The following ATP8A2 variants were observed in gnomAD, a reference collection of about 807,000 sequenced individuals.
ATP8A2 encodes the protein ATPase phospholipid transporting 8A2.
A neutral mutation model predicts 165.6 loss-of-function variants in ATP8A2; 100 were observed. The observed-to-expected ratio is 0.60, with a 90% CI of 0.51 to 0.71. The LOEUF (loss-of-function observed/expected upper bound fraction) is 0.71, where lower values mean the gene tolerates loss of function less well. Ranked by LOEUF, ATP8A2 falls within the 30% of genes least tolerant of loss-of-function variation. The probability of loss-of-function intolerance (pLI) is 0.00; values close to 1 mark genes in which losing one functional copy is unlikely to be tolerated. For missense variants in ATP8A2, 1,227 were observed against 1,479.5 expected (o/e 0.83, Z 2.80); for synonymous variants, 543 against 548.8 (o/e 0.99, Z 0.15).
intron 2 of ATP8A2, among the ~76,000 whole-genome samples, chr13:25,474,128 A>C (rs2035924692): frequency 6.6e-6 from 1 of 152,244 alleles, no homozygotes; most frequent in Admixed American, 6.5e-5. Context: ...TTAGCTAGCA[A>C]AAACTTCATT....
At chr13:25,731,049 G>A (rs7987284) in intron 25 of ATP8A2, among the ~76,000 whole-genome samples, 71,147 of 144,572 alleles carry the variant, frequency 0.49, 18,247 homozygotes, top group East Asian at 0.83. Flanking sequence ...ACTCCAGCCA[G>A]GTCGCAAAAA....
chr13:25,479,648 T>C (rs1053141664), intron 2 of ATP8A2, among the ~76,000 whole-genome samples: 1 of 151,974 alleles, frequency 6.6e-6, no homozygotes, highest in Non-Finnish European at 1.5e-5. Context: ...CCTTCCGCAG[T>C]GTTTGTGTCC....
At chr13:25,885,332 C>G (rs1351148478) in intron 33 of ATP8A2, among the ~76,000 whole-genome samples, 1 of 151,934 alleles carries the variant, frequency 6.6e-6, no homozygotes, top group African/African-American at 2.4e-5. Context: ...AGGCTGGTCT[C>G]GAACTCCTGA....
chr13:25,922,045 TTAGAA>T (rs140164941), intron 33 of ATP8A2, among the ~76,000 whole-genome samples: 2,400 of 152,318 alleles, frequency 0.016, 25 homozygotes, highest in Admixed American at 0.025. Context: ...TTTTGGGGTT[TTAGAA>T]TAGAGCAGGA....
intron 27 of ATP8A2, among the ~76,000 whole-genome samples, chr13:25,814,188 C>A (rs9507581): frequency 0.12 from 18,278 of 151,774 alleles, 1,427 homozygotes; most frequent in Non-Finnish European, 0.18. Context: ...TATTTAGAAT[C>A]CATTAGCCAC....
intron 35 of ATP8A2, among the ~76,000 whole-genome samples, chr13:26,006,881 A>C (rs1956750690): frequency 6.6e-6 from 1 of 151,802 alleles, no homozygotes; most frequent in African/African-American, 2.4e-5. Flanking sequence ...TGGTCATAGT[A>C]TATAATTTTT....
intron 27 of ATP8A2, among the ~76,000 whole-genome samples, chr13:25,788,845 AT>A (rs2045097039): frequency 1.3e-5 from 2 of 152,224 alleles, no homozygotes; most frequent in Admixed American, 6.5e-5. Flanking sequence ...CTGAGAAATC[AT>A]TCTCTGCACA....
chr13:25,617,598 TCTCA>T (rs1185885661), intron 24 of ATP8A2, among the ~76,000 whole-genome samples: 1 of 152,236 alleles, frequency 6.6e-6, no homozygotes, highest in Admixed American at 6.5e-5. Context: ...TAGATAGTTG[TCTCA>T]CTAACTCCAT....
At chr13:25,837,980 G>C (rs1951662174) in intron 29 of ATP8A2, among the ~76,000 whole-genome samples, 1 of 152,236 alleles carries the variant, frequency 6.6e-6, no homozygotes. Flanking sequence ...CAGAGTGCTT[G>C]GGTGACCCCA....
At chr13:25,644,948 A>C (rs1429897679) in intron 24 of ATP8A2, among the ~76,000 whole-genome samples, 1 of 152,074 alleles carries the variant, frequency 6.6e-6, no homozygotes, top group Non-Finnish European at 1.5e-5. Flanking sequence ...ATTTTGGGTT[A>C]TCTCTCTAGT....
intron 24 of ATP8A2, among the ~76,000 whole-genome samples, chr13:25,674,924 G>T (rs143734943): frequency 3.6e-4 from 55 of 152,178 alleles, no homozygotes; most frequent in Non-Finnish European, 6.2e-4. Context: ...TTTGCTGGTC[G>T]TGCTACTGAG....
chr13:25,976,185 TC>T (rs1341531947), intron 35 of ATP8A2, among the ~76,000 whole-genome samples: 1 of 152,216 alleles, frequency 6.6e-6, no homozygotes, highest in Non-Finnish European at 1.5e-5. Flanking sequence ...TGCCTCAGCC[TC>T]CCAAGTAGCT....
chr13:25,842,010 A>C (rs904298596), intron 30 of ATP8A2, among the ~76,000 whole-genome samples: 4 of 152,178 alleles, frequency 2.6e-5, no homozygotes, highest in Non-Finnish European at 5.9e-5. Context: ...ATCAGGCCAC[A>C]GCTCCCAGCA....
rs529166431 is a variant in ATP8A2 at position 25,575,900 on chromosome 13, G to C, written c.1712+1043G>C. 4.6e-5 allele frequency among the ~76,000 whole-genome samples: 7 copies of C among 152,270 alleles called. No individual in the cohort carries two copies. In the East Asian group the frequency reaches 1.2e-3, roughly 25 times the overall value. On this transcript the variant is annotated intron_variant, in intron 19 of 36. Coordinates refer to ENST00000381655, the MANE Select transcript of ATP8A2 (RefSeq NM_016529.6). ...GACAGGCAAGGAGGAGGAGAAAAGG[G>C]AGTTAGATAAAAACAGGTGAATATT...
intron 13 of ATP8A2, among the ~76,000 whole-genome samples, chr13:25,556,350 C>G (rs1593526586): frequency 1.3e-5 from 2 of 152,148 alleles, no homozygotes; most frequent in African/African-American, 2.4e-5. Flanking sequence ...TTGATTTGCA[C>G]TCCTCTGATG....
At chr13:25,465,736 T>C (rs866583697) in intron 1 of ATP8A2, among the ~76,000 whole-genome samples, 965 of 14,018 alleles carry the variant, frequency 0.069, 148 homozygotes, top group African/African-American at 0.11. Flanking sequence ...TCTTTCTTTC[T>C]TTCCCTCCCT....
At chr13:25,819,656 GTT>G (rs199713813) in intron 27 of ATP8A2, among the ~76,000 whole-genome samples, 3 of 143,662 alleles carry the variant, frequency 2.1e-5, no homozygotes, top group Middle Eastern at 3.7e-3. Context: ...AGGGTTTTTT[GTT>G]TTTTTTTTTG....
chr13:25,391,437 C>A (rs540346924), intron 1 of ATP8A2, among the ~76,000 whole-genome samples: 1 of 152,288 alleles, frequency 6.6e-6, no homozygotes, highest in African/African-American at 2.4e-5. Context: ...ACCAACGTGC[C>A]AGGCACTGAC....
chr13:25,454,545 G>A (rs2035311913), intron 1 of ATP8A2, among the ~76,000 whole-genome samples: 1 of 152,282 alleles, frequency 6.6e-6, no homozygotes, highest in Admixed American at 6.5e-5. Flanking sequence ...GCTGGGCAGG[G>A]CAGGTCTCAG....
Sources: allele counts gnomAD v4.1 joint callset (sites outside exome capture counted in the v4.1 genomes callset), GRCh38; gene constraint gnomAD v4.1.1; transcripts MANE v1.5; gene names NCBI Gene and HGNC (gene_info 2026-07-23, HGNC 2026-07-21).